ESF1: variants seen among roughly 807,000 people sequenced by gnomAD.
ESF1 encodes ESF1 nucleolar pre-rRNA processing protein.
ESF1 carries 58 observed loss-of-function variants against 92.0 expected under a neutral mutation model. The ratio of observed to expected loss-of-function variants is 0.63; its 90% CI spans 0.51 to 0.78. The LOEUF is 0.78. Among genes scored for constraint, ESF1 ranks in the 30% least tolerant of loss-of-function variants. ESF1 has a pLI of 0.00. For missense variants in ESF1, 922 were observed against 989.1 expected (o/e 0.93, Z 0.91); for synonymous variants, 321 against 313.7 (o/e 1.02, Z -0.24).
At chr20:13,765,512 A>G (rs1235270308) in intron 8 of ESF1, among the ~76,000 whole-genome samples, 1 of 152,220 alleles carries the variant, frequency 6.6e-6, no homozygotes, top group African/African-American at 2.4e-5. Flanking sequence ...CCTGATCCAC[A>G]GAACAAAGAG....
In ESF1 at chr20:13,716,804, A is replaced by ATTTTTTTTTT. The variant is rs71188180; in HGVS notation, c.2262+554_2262+563dup. 3.6e-3 allele frequency among the ~76,000 whole-genome samples: 167 copies of ATTTTTTTTTT among 45,908 alleles called. 21 individuals are homozygous for ATTTTTTTTTT. Among genetic ancestry groups the ATTTTTTTTTT allele is most frequent in the South Asian group, 5.2e-3 (4 of 766 alleles). The allele number at this position is 45,908 out of a possible 152,430, so 30.1% of individuals were successfully genotyped here. A position where few individuals can be genotyped will look rare whatever the true frequency, so the allele number is the denominator to read the frequency against. ...TACAGGTGTGCGCCACTATACCTGG[A>ATTTTTTTTTT]TTTTTTTTTTTTTTTTTTTTTTTTT... On this transcript the variant is annotated intron_variant, in intron 13 of 13. Coordinates refer to ENST00000617257, the MANE Select transcript of ESF1 (RefSeq NM_001276380.2).
intron 10 of ESF1, 35 bp from the exon 11 acceptor site, chr20:13,728,500 T>C: frequency 2.1e-6 from 3 of 1,422,470 alleles, no homozygotes; most frequent in Non-Finnish European, 2.9e-6. Flanking sequence ...AAAATTTCAT[T>C]ATTACAAGAA....
intron 9 of ESF1, among the ~76,000 whole-genome samples, chr20:13,748,439 CACAT>C (rs147355505): frequency 0.2 from 6,771 of 33,204 alleles, 211 homozygotes; most frequent in Middle Eastern, 0.32. Context: ...CATATATATA[CACAT>C]ATATACATAT....
At chr20:13,729,373 CATCT>C (rs1256912820) in intron 10 of ESF1, among the ~76,000 whole-genome samples, 1 of 152,098 alleles carries the variant, frequency 6.6e-6, no homozygotes, top group Non-Finnish European at 1.5e-5. Context: ...AAAATTTTAC[CATCT>C]ATTAAAGGAA....
At chr20:13,773,615 T>A (rs1037760410) in intron 4 of ESF1, among the ~76,000 whole-genome samples, 9 of 152,208 alleles carry the variant, frequency 5.9e-5, no homozygotes, top group Non-Finnish European at 1.2e-4. Flanking sequence ...AGTTATCATA[T>A]GAACTCTTTC....
intron 8 of ESF1, among the ~76,000 whole-genome samples, chr20:13,763,632 T>C (rs537485241): frequency 1.1e-4 from 17 of 152,304 alleles, no homozygotes; most frequent in Non-Finnish European, 7.4e-5. Flanking sequence ...TTTCTCCACA[T>C]GTGTGAGGGG....
In ESF1 at chr20:13,770,041, A is replaced by C. The variant is rs1979614104; in HGVS notation, c.1404-20T>G. 6.9e-7 allele frequency: 1 copy of C among 1,459,600 alleles called. No homozygotes were observed. The highest frequency in any genetic ancestry group is 9.5e-7 in the Non-Finnish European group (1 of 1,057,360). 90.4% of individuals were successfully genotyped at this position (1,459,600 alleles called of 1,614,324 possible). The stretch of plus-strand genomic sequence containing the variant: ...ATAAACCTAAGAAGTAAAGAAAAAA[A>C]ATTTATTTAAAATACGCTGCAGTGA... On this transcript the variant is annotated intron_variant, in intron 6 of 13. Coordinates refer to ENST00000617257, the MANE Select transcript of ESF1 (RefSeq NM_001276380.2).
intron 9 of ESF1, among the ~76,000 whole-genome samples, chr20:13,737,752 C>T (rs149240574): frequency 0.018 from 2,795 of 152,280 alleles, 90 homozygotes; most frequent in African/African-American, 0.062. Context: ...CTCCCAGATG[C>T]AAGCGATTTT....
chr20:13,725,735 T>G (rs191612425), intron 11 of ESF1, among the ~76,000 whole-genome samples: 265 of 152,328 alleles, frequency 1.7e-3, no homozygotes, highest in Admixed American at 3.6e-3. Context: ...CTACTCGCAC[T>G]GCCATGGTTT....
At position 13,770,034 on chromosome 20, in the gene ESF1, G is replaced by A; in HGVS notation, c.1404-13C>T. On this transcript the variant is annotated splice_polypyrimidine_tract_variant and intron_variant, in intron 6 of 13. Coordinates refer to ENST00000617257, the MANE Select transcript of ESF1 (RefSeq NM_001276380.2). ...ATCTGGTATAAACCTAAGAAGTAAAGAAAAAAAATTTATTTAAAATACGCT... is the reference window on the plus strand; with the variant it reads ...ATCTGGTATAAACCTAAGAAGTAAAAAAAAAAAATTTATTTAAAATACGCT... 2 of 1,512,032 alleles carry A rather than the reference G, an allele frequency of 1.3e-6. No individual in the cohort carries two copies. The highest frequency in any genetic ancestry group is 1.9e-5 in the Admixed American group (1 of 51,594). 93.7% of individuals were successfully genotyped at this position (1,512,032 alleles called of 1,614,324 possible). A position where few individuals can be genotyped will look rare whatever the true frequency, so the allele number is the denominator to read the frequency against.
chr20:13,780,010 T>G (rs1407178071), intron 2 of ESF1, among the ~76,000 whole-genome samples: 1 of 152,204 alleles, frequency 6.6e-6, no homozygotes, highest in African/African-American at 2.4e-5. Flanking sequence ...AAAAAGGCCC[T>G]TGCACACAGT....
chr20:13,760,451 C>T (rs1358964747), intron 8 of ESF1, among the ~76,000 whole-genome samples: 3 of 147,196 alleles, frequency 2.0e-5, no homozygotes, highest in Non-Finnish European at 4.5e-5. Context: ...GCCGCGACCC[C>T]GTCTGGGAGG....
chr20:13,721,670 C>A (rs980266469), intron 11 of ESF1, among the ~76,000 whole-genome samples: 1 of 152,136 alleles, frequency 6.6e-6, no homozygotes, highest in South Asian at 2.1e-4. Flanking sequence ...TAAGTCCCTG[C>A]GAATACTCTT....
rs1467820594 is a variant in ESF1, at chr20:13,760,426, G to A, written c.1667-573C>T. On this transcript the variant is annotated intron_variant, in intron 8 of 13. Coordinates refer to ENST00000617257, the MANE Select transcript of ESF1 (RefSeq NM_001276380.2). ...CCTGCCGCCCCGTCTGGGGTGTGAG[G>A]AGCGCCTCTGCCCGGCCGCGACCCC... Among the ~76,000 whole-genome samples, 29 of 151,798 alleles carry A rather than the reference G, an allele frequency of 1.9e-4. No homozygotes were observed. The Middle Eastern group carries it at 0.014, about 72-fold the overall frequency.
At chr20:13,762,445 A>T in intron 8 of ESF1, among the ~76,000 whole-genome samples, 1 of 152,200 alleles carries the variant, frequency 6.6e-6, no homozygotes, top group East Asian at 1.9e-4. Flanking sequence ...CTGAAAACAT[A>T]ATTAGAAGCA....
In ESF1 at chr20:13,749,226, C is replaced by T. The variant is rs1032496209; in HGVS notation, c.1828+10466G>A. 1.8e-4 allele frequency among the ~76,000 whole-genome samples: 25 copies of T among 138,346 alleles called. No individual in the cohort carries two copies. The East Asian group carries it at 3.8e-3, about 21-fold the overall frequency. 90.8% of individuals were successfully genotyped at this position (138,346 alleles called of 152,430 possible). ...GATTACAGGCACCTGCCATCATGCC[C>T]GGCTAATTTTTTTTTTTTTTTTTTT... On this transcript the variant is annotated intron_variant, in intron 9 of 13. Coordinates refer to ENST00000617257, the MANE Select transcript of ESF1 (RefSeq NM_001276380.2).
In ESF1 at chr20:13,782,783, C is replaced by G. The variant is rs147464259; in HGVS notation, c.358G>C (p.Ala120Pro). The change falls in exon 2 of 14, where the codon GCT becomes CCT. Residue 120 changes from alanine (A) to proline (P), a missense_variant. By Grantham distance (27) the Ala-to-Pro change is conservative. Transcript: ENST00000617257. ...LVEKKKETKK[A>P]NHKGSENKTD... ...TTATTTTCAGAACCCTTGTGATTAG[C>G]CTTCTTGGTTTCTTTCTTTTTCTCA... 2.5e-6 allele frequency: 4 copies of G among 1,604,256 alleles called. No homozygotes were observed. The highest frequency in any genetic ancestry group is 1.7e-4 in the Middle Eastern group (1 of 5,990).
At chr20:13,762,629 G>A (rs1270806735) in intron 8 of ESF1, among the ~76,000 whole-genome samples, 3 of 152,158 alleles carry the variant, frequency 2.0e-5, no homozygotes, top group Admixed American at 2.0e-4. Flanking sequence ...TACTATATAA[G>A]GAGTGAAAGA....
intron 11 of ESF1, among the ~76,000 whole-genome samples, chr20:13,725,305 T>C (rs777791460): frequency 1.3e-5 from 2 of 152,192 alleles, no homozygotes; most frequent in Non-Finnish European, 2.9e-5. Flanking sequence ...ATTTTCTGTA[T>C]CTTAGTAACT....
Sources: allele counts gnomAD v4.1 joint callset (sites outside exome capture counted in the v4.1 genomes callset), GRCh38; gene constraint gnomAD v4.1.1; transcripts MANE v1.5; gene names NCBI Gene and HGNC (gene_info 2026-07-23, HGNC 2026-07-21).